Variants in FAM81A observed in about 807,000 individuals in gnomAD.
The protein encoded by FAM81A is family with sequence similarity 81 member A, also known as protein FAM81A.
In FAM81A, 19 loss-of-function variants were observed where a neutral mutation model predicts 46.7. The observed-to-expected ratio is 0.41, with a 90% confidence interval of 0.28 to 0.60. The LOEUF is 0.60. FAM81A is among the 20% of genes least tolerant of loss of function. The pLI is 0.34. For synonymous variants in FAM81A, 183 were observed against 152.9 expected, an observed-to-expected ratio of 1.20 and a Z score of -1.45; for missense variants, 377 against 453.5, an observed-to-expected ratio of 0.83 and a Z score of 1.53.
chr15:59,409,099 C>T (rs984125169), intron 2 of FAM81A: 18 of 152,156 alleles, frequency 1.2e-4, no homozygotes, highest in African/African-American at 3.4e-4. Context: ...TCTATCCAGT[C>T]GGATAGCTCC....
intron 3 of FAM81A, among the ~76,000 whole-genome samples, chr15:59,475,145 A>G (rs777891292): frequency 2.4e-4 from 37 of 151,716 alleles, no homozygotes; most frequent in Non-Finnish European, 4.6e-4. Context: ...TATTTTTTCC[A>G]AAACCTTTTT....
intron 3 of FAM81A, among the ~76,000 whole-genome samples, chr15:59,467,498 G>A (rs1400493432): frequency 1.3e-5 from 2 of 152,052 alleles, no homozygotes; most frequent in African/African-American, 4.8e-5. Context: ...CTCATGATTT[G>A]GCTCTCTGTT....
chr15:59,405,176 G>C (rs1357206694), intron 2 of FAM81A, among the ~76,000 whole-genome samples: 2 of 152,178 alleles, frequency 1.3e-5, no homozygotes, highest in African/African-American at 4.8e-5. Flanking sequence ...TTAGCAGTTA[G>C]GTTATAGAGT....
At position 59,492,267 on chromosome 15, in the gene FAM81A, C is replaced by T. The variant is rs1480562481; in HGVS notation, c.295-4C>T. On this transcript the variant is annotated splice_region_variant and splice_polypyrimidine_tract_variant and intron_variant, in intron 3 of 8. Coordinates refer to ENST00000288228, the MANE Select transcript of FAM81A (RefSeq NM_152450.3). ...ACTCCCTTAGTGTTTTTTATGTTGC[C>T]CAGGTACTCCAGGAGCAGATTCGTG... The T allele has an allele frequency of 2.5e-6, 4 of 1,604,592 alleles. No homozygotes were observed. In the Admixed American group the frequency reaches 6.7e-5, roughly 27 times the overall value.
chr15:59,517,244 C>T (rs1205685911), intron 8 of FAM81A, among the ~76,000 whole-genome samples: 1 of 152,180 alleles, frequency 6.6e-6, no homozygotes, highest in South Asian at 2.1e-4. Flanking sequence ...TTTTCCTCTA[C>T]TGGCAGGTCA....
chr15:59,486,241 A>C (rs566973343), intron 3 of FAM81A, among the ~76,000 whole-genome samples: 1 of 152,290 alleles, frequency 6.6e-6, no homozygotes, highest in South Asian at 2.1e-4. Context: ...CTGGAGTGGA[A>C]AAATGCTAGT....
chr15:59,439,406 G>T (rs536095415), intron 1 of FAM81A, among the ~76,000 whole-genome samples: 91 of 144,120 alleles, frequency 6.3e-4, no homozygotes, highest in African/African-American at 2.3e-3. Flanking sequence ...GTGTGTGTGT[G>T]TTGGGGGGGG....
chr15:59,415,832 C>T (rs559812211), intron 2 of FAM81A, among the ~76,000 whole-genome samples: 1 of 152,302 alleles, frequency 6.6e-6, no homozygotes, highest in African/African-American at 2.4e-5. Flanking sequence ...TTCAGAACCA[C>T]TCTCCTATAC....
At chr15:59,409,180 A>T (rs2081109537) in intron 2 of FAM81A, among the ~76,000 whole-genome samples, 3 of 152,158 alleles carry the variant, frequency 2.0e-5, no homozygotes, top group Admixed American at 6.5e-5. Flanking sequence ...TTCCACTTAC[A>T]GACATGCAAG....
In FAM81A at chr15:59,483,446, C is replaced by CT. The variant is rs752204479; in HGVS notation, c.295-8824dup. 6.0e-5 allele frequency among the ~76,000 whole-genome samples: 9 copies of CT among 151,236 alleles called. No homozygotes were observed. In the South Asian group the frequency reaches 1.9e-3, roughly 32 times the overall value. On this transcript the variant is annotated intron_variant, in intron 3 of 8. Transcript: ENST00000288228. ...TTTTTTACTAAGAAGTTTGAAAATC[C>CT]TGAAAAAAATACACAAGTATTTTCT...
At chr15:59,493,217 G>A (rs749417875) in intron 4 of FAM81A, among the ~76,000 whole-genome samples, 38 of 152,208 alleles carry the variant, frequency 2.5e-4, no homozygotes, top group Admixed American at 4.6e-4. Flanking sequence ...CAAGGCCTCT[G>A]GAGCAGGGAG....
At chr15:59,468,238 G>A (rs2081640194) in intron 3 of FAM81A, among the ~76,000 whole-genome samples, 1 of 152,120 alleles carries the variant, frequency 6.6e-6, no homozygotes, top group African/African-American at 2.4e-5. Flanking sequence ...GAGTTAGGGA[G>A]GATTCCCTCT....
Position 59,521,579 on chromosome 15 carries a change from C to T in FAM81A, c.*201C>T, listed in dbSNP as rs2082328776. The T allele has an allele frequency of 9.8e-6, 5 of 509,818 alleles. No individual in the cohort carries two copies. Among genetic ancestry groups the T allele is most frequent in the Non-Finnish European group, 1.6e-5 (5 of 320,898 alleles). 31.6% of individuals were successfully genotyped at this position (509,818 alleles called of 1,614,324 possible). On this transcript the variant is annotated 3_prime_UTR_variant, in exon 9 of 9. Transcript: ENST00000288228. ...TTAAAAGTATGAAATACAGTTTTTACCAGTTTATTTCACTTCTCTAAATTC... is the reference window on the plus strand; with the variant it reads ...TTAAAAGTATGAAATACAGTTTTTATCAGTTTATTTCACTTCTCTAAATTC...
At chr15:59,458,239 G>A (rs149740724) in intron 1 of FAM81A, among the ~76,000 whole-genome samples, 426 of 152,274 alleles carry the variant, frequency 2.8e-3, no homozygotes, top group African/African-American at 9.4e-3. Context: ...GTTAAAAGTG[G>A]TTTCTCAAGC....
intron 2 of FAM81A, among the ~76,000 whole-genome samples, chr15:59,411,248 G>C (rs901674147): frequency 6.6e-6 from 1 of 152,146 alleles, no homozygotes; most frequent in African/African-American, 2.4e-5. Flanking sequence ...GGGAACAGTC[G>C]CTGGGGCAGA....
intron 2 of FAM81A, among the ~76,000 whole-genome samples, chr15:59,417,290 C>T (rs1169512937): frequency 1.3e-5 from 2 of 152,066 alleles, no homozygotes; most frequent in Admixed American, 6.6e-5. Context: ...ACCACCCTGT[C>T]GCCTCCCCTT....
intron 1 of FAM81A, among the ~76,000 whole-genome samples, chr15:59,453,148 T>C (rs1042417938): frequency 2.6e-5 from 4 of 152,200 alleles, no homozygotes; most frequent in African/African-American, 9.7e-5. Flanking sequence ...GAACCAACCC[T>C]TACTGGAAGC....
chr15:59,514,205 T>A (rs2082243289), intron 6 of FAM81A, 84 bp from the exon 7 acceptor site: 3 of 1,349,986 alleles, frequency 2.2e-6, no homozygotes, highest in South Asian at 1.6e-5. Context: ...AATCTGTATA[T>A]CCTCAACATG....
intron 3 of FAM81A, among the ~76,000 whole-genome samples, chr15:59,472,057 C>G (rs748098422): frequency 3.3e-5 from 5 of 152,190 alleles, no homozygotes; most frequent in African/African-American, 1.2e-4. Flanking sequence ...ATTTACCTTT[C>G]TTTCATTGAA....
Sources: gnomAD v4.1 joint callset for allele counts (sites outside exome capture counted in the v4.1 genomes callset) on GRCh38, gnomAD v4.1.1 for gene constraint, MANE v1.5 for transcripts, NCBI Gene and HGNC (gene_info 2026-07-23, HGNC 2026-07-21) for gene names.